Variants in C9orf85 observed in about 807,000 individuals in gnomAD.
C9orf85 encodes chromosome 9 open reading frame 85, also known as uncharacterized protein C9orf85.
In C9orf85, 16 loss-of-function variants were observed where a neutral mutation model predicts 14.9. The observed-to-expected ratio is 1.08, with a 90% confidence interval of 0.73 to 1.63. The LOEUF (loss-of-function observed/expected upper bound fraction) is 1.63. Among genes scored for constraint, C9orf85 ranks in the 40% most tolerant of loss-of-function variants. The pLI, the probability that C9orf85 is intolerant of heterozygous loss-of-function variation, is 0.00. For synonymous variants in C9orf85, 45 were observed against 56.8 expected (o/e 0.79, Z 0.93); for missense variants, 172 against 186.1 (o/e 0.92, Z 0.44).
chr9:71,947,212 G>C lies in C9orf85; in HGVS notation c.209+100G>C, dbSNP rs2132308744. On this transcript the variant is annotated intron_variant, in intron 2 of 3. Transcript: ENST00000334731. ...AAATTGTGTCCAAATAAATGTTAAA[G>C]TAAATGATGAAAAAATTCCATTCTC... is the stretch of plus-strand genomic sequence containing the variant. The C allele has an allele frequency of 5.1e-6, 4 of 780,004 alleles. No homozygotes were observed. The East Asian group carries it at 1.2e-4, about 23-fold the overall frequency. The allele number at this position is 780,004 out of a possible 1,614,324, so 48.3% of individuals were successfully genotyped here.
rs1239808642 is a variant in C9orf85 at position 71,946,995 on chromosome 9, T to C, written c.103-11T>C. On this transcript the variant is annotated splice_polypyrimidine_tract_variant and intron_variant, in intron 1 of 3. Coordinates refer to ENST00000334731, the MANE Select transcript of C9orf85 (RefSeq NM_182505.5). Reference sequence around the variant, plus strand: ...TGAAATTCTCAATTTGTCTTTCTGTTTGTTTTTAAGAAAATTAATGCAAAA... The same window carrying C: ...TGAAATTCTCAATTTGTCTTTCTGTCTGTTTTTAAGAAAATTAATGCAAAA... 1 of 1,596,642 alleles carries C rather than the reference T, an allele frequency of 6.3e-7. No individual in the cohort carries two copies. The highest frequency in any genetic ancestry group is 1.1e-5 in the South Asian group (1 of 89,904).
chr9:71,975,225 G>A (rs1822978555), downstream of C9orf85, among the ~76,000 whole-genome samples: 2 of 152,236 alleles, frequency 1.3e-5, no homozygotes, highest in South Asian at 2.1e-4. Flanking sequence ...AAGGCAGGCA[G>A]ATCACCTGAG....
chr9:71,943,996 G>A (rs1463296981), intron 1 of C9orf85, among the ~76,000 whole-genome samples: 1 of 151,886 alleles, frequency 6.6e-6, no homozygotes, highest in Non-Finnish European at 1.5e-5. Flanking sequence ...AGCACTTTGG[G>A]AGGCCAAGGC....
intron 1 of C9orf85, among the ~76,000 whole-genome samples, chr9:71,915,075 A>T (rs1589241910): frequency 6.6e-6 from 1 of 152,176 alleles, no homozygotes; most frequent in African/African-American, 2.4e-5. Context: ...TGATGATGTC[A>T]GGCAATTTAC....
chr9:71,951,151 G>T (rs2132316979), intron 2 of C9orf85, among the ~76,000 whole-genome samples: 1 of 152,198 alleles, frequency 6.6e-6, no homozygotes, highest in Non-Finnish European at 1.5e-5. Context: ...TTATAAACAT[G>T]TTCTTTATGG....
intron 2 of C9orf85, among the ~76,000 whole-genome samples, chr9:71,956,242 GTTTTTTTTTTTTT>G: frequency 2.0e-5 from 1 of 51,020 alleles, no homozygotes; most frequent in East Asian, 6.2e-4. Flanking sequence ...GAATGCAAAA[GTTTTTTTTTTTTT>G]TTTTTTTTTT....
intron 1 of C9orf85, among the ~76,000 whole-genome samples, chr9:71,931,910 G>A (rs138263637): frequency 7.8e-4 from 118 of 152,236 alleles, no homozygotes; most frequent in African/African-American, 2.7e-3. Context: ...TAGAAATGTC[G>A]GTTTGCTTTA....
downstream of C9orf85, among the ~76,000 whole-genome samples, chr9:71,976,086 T>C (rs1202867421): frequency 2.0e-5 from 3 of 152,198 alleles, no homozygotes; most frequent in Non-Finnish European, 4.4e-5. Context: ...GAAAGATTGT[T>C]TTGTATTTTA....
chr9:71,935,562 CAA>C, intron 1 of C9orf85, among the ~76,000 whole-genome samples: 1 of 149,764 alleles, frequency 6.7e-6, no homozygotes, highest in East Asian at 2.0e-4. Flanking sequence ...GATACTGAGA[CAA>C]GAGGATCACT....
downstream of C9orf85, chr9:71,985,473 G>A (rs971325911): frequency 1.3e-5 from 2 of 152,210 alleles, no homozygotes; most frequent in Non-Finnish European, 2.9e-5. Context: ...AAATTCTTGG[G>A]CTCTGCCCTA....
intron 2 of C9orf85, among the ~76,000 whole-genome samples, chr9:71,964,416 C>T (rs1822627410): frequency 6.6e-6 from 1 of 152,076 alleles, no homozygotes. Context: ...TCTACACTGC[C>T]TTTATAAGCT....
At chr9:71,924,220 AT>A (rs1461157148) in intron 1 of C9orf85, among the ~76,000 whole-genome samples, 1 of 152,080 alleles carries the variant, frequency 6.6e-6, no homozygotes, top group Non-Finnish European at 1.5e-5. Flanking sequence ...TTTGGAGTTG[AT>A]TTTCTCAACC....
intron 1 of C9orf85, among the ~76,000 whole-genome samples, chr9:71,913,910 T>G (rs1451112968): frequency 2.6e-5 from 4 of 152,088 alleles, no homozygotes; most frequent in African/African-American, 9.7e-5. Flanking sequence ...TTCCCTCTTT[T>G]AAGTTATGAA....
intron 1 of C9orf85, among the ~76,000 whole-genome samples, chr9:71,927,957 G>T (rs997408117): frequency 2.0e-5 from 3 of 152,046 alleles, no homozygotes; most frequent in African/African-American, 7.2e-5. Context: ...AGGCCAAGGC[G>T]GGTGGATCAC....
At chr9:71,941,084 T>C (rs756348858) in intron 1 of C9orf85, among the ~76,000 whole-genome samples, 3 of 152,204 alleles carry the variant, frequency 2.0e-5, no homozygotes, top group Non-Finnish European at 2.9e-5. Flanking sequence ...AACTGTATAC[T>C]TAAAATGGGT....
At chr9:71,966,238 G>C (rs1321903097) in intron 2 of C9orf85, among the ~76,000 whole-genome samples, 2 of 152,152 alleles carry the variant, frequency 1.3e-5, no homozygotes, top group Non-Finnish European at 2.9e-5. Flanking sequence ...CTCTGAATCT[G>C]CTGTGATTCT....
chr9:71,964,912 C>T (rs552834744), intron 2 of C9orf85, among the ~76,000 whole-genome samples: 4 of 152,286 alleles, frequency 2.6e-5, no homozygotes, highest in South Asian at 2.1e-4. Context: ...GGCACTTAGC[C>T]GTGCAGGAAC....
intron 3 of C9orf85, among the ~76,000 whole-genome samples, chr9:71,982,373 T>G (rs1426444513): frequency 6.6e-6 from 1 of 152,168 alleles, no homozygotes; most frequent in Non-Finnish European, 1.5e-5. Context: ...TGTGTGGACA[T>G]ATGTTTTCAT....
downstream of C9orf85, among the ~76,000 whole-genome samples, chr9:71,973,860 G>GTTTT (rs60163753): frequency 7.0e-6 from 1 of 142,592 alleles, no homozygotes; most frequent in Non-Finnish European, 1.5e-5. Context: ...GGGTTTTGTT[G>GTTTT]TTTTTTTTTT....
Sources: allele counts gnomAD v4.1 joint callset (sites outside exome capture counted in the v4.1 genomes callset), GRCh38; gene constraint gnomAD v4.1.1; transcripts MANE v1.5; gene names NCBI Gene and HGNC (gene_info 2026-07-23, HGNC 2026-07-21).